Variants in ABCE1 observed in about 807,000 individuals in gnomAD.
ABCE1 encodes ATP-binding cassette sub-family E member 1.
ABCE1 carries 22 observed loss-of-function variants against 83.4 expected under a neutral mutation model. The observed-to-expected ratio is 0.26, with a 90% confidence interval of 0.19 to 0.38. The LOEUF is 0.38. Ranked by LOEUF, ABCE1 falls within the 10% of genes least tolerant of loss-of-function variation. ABCE1 has a pLI of 1.00. For synonymous variants in ABCE1, 204 were observed against 233.7 expected (o/e 0.87, Z 1.16); for missense variants, 330 against 721.9 (o/e 0.46, Z 6.22).
At position 145,127,626 on chromosome 4, in the gene ABCE1, AT is replaced by A. The variant is rs1458293796; in HGVS notation, c.*59del. On this transcript the variant is annotated 3_prime_UTR_variant, in exon 18 of 18. Coordinates refer to ENST00000296577, the MANE Select transcript of ABCE1 (RefSeq NM_002940.3). Reference sequence around the variant, plus strand: ...TTTATTAAAAGGAGTATTTACTAGAATTTTTTGTCATATAAAACTTGAATCA... The same window carrying A: ...TTTATTAAAAGGAGTATTTACTAGAATTTTTGTCATATAAAACTTGAATCA... The A allele has an allele frequency of 6.4e-6, 9 of 1,408,846 alleles. No homozygotes were observed. Among genetic ancestry groups the A allele is most frequent in the Non-Finnish European group, 8.6e-6 (9 of 1,051,282 alleles). The allele number at this position is 1,408,846 out of a possible 1,614,324, so 87.3% of individuals were successfully genotyped here.
rs980251998 is a variant in ABCE1 at position 145,129,451 on chromosome 4, G to A, written c.*1878G>A. Among the ~76,000 whole-genome samples, 23 of 151,506 alleles carry A rather than the reference G, an allele frequency of 1.5e-4. No individual in the cohort carries two copies. Among genetic ancestry groups the A allele is most frequent in the African/African-American group, 5.6e-4 (23 of 41,170 alleles). On this transcript the variant is annotated 3_prime_UTR_variant, in exon 18 of 18. Coordinates refer to ENST00000296577, the MANE Select transcript of ABCE1 (RefSeq NM_002940.3). ...CAAATACTTAAAAAAACAAAAAACTGGAACAGTTTATTATACTACCATTTT... is the reference window on the plus strand; with the variant it reads ...CAAATACTTAAAAAAACAAAAAACTAGAACAGTTTATTATACTACCATTTT...
chr4:145,123,281 G>T lies in ABCE1; in HGVS notation c.1441G>T (p.Asp481Tyr). ...AGCCCTTTGCTTGGGCAAACCTGCT[G>T]ATGTCTATTTAATTGATGAACCATC... ...ALALCLGKPA[D>Y]VYLIDEPSAY... The change falls in exon 15 of 18, where the codon GAT becomes TAT. Residue 481 changes from aspartate (D) to tyrosine (Y), a missense_variant. By Grantham distance (160) the Asp-to-Tyr change is radical (BLOSUM62 -3). Transcript: ENST00000296577. 6.2e-7 allele frequency: 1 copy of T among 1,612,852 alleles called. No homozygotes were observed. Among genetic ancestry groups the T allele is most frequent in the East Asian group, 2.2e-5 (1 of 44,878 alleles).
At chr4:145,099,819 G>A (rs1749079903) in intron 1 of ABCE1, among the ~76,000 whole-genome samples, 1 of 152,192 alleles carries the variant, frequency 6.6e-6, no homozygotes, top group Admixed American at 6.5e-5. Context: ...GACTGTAAAT[G>A]CTTCTAAGTA....
intron 10 of ABCE1, among the ~76,000 whole-genome samples, 196 bp from the exon 11 acceptor site, chr4:145,119,736 C>T (rs1749693092): frequency 6.6e-6 from 1 of 151,870 alleles, no homozygotes; most frequent in African/African-American, 2.4e-5. Context: ...TTGGGGGGGA[C>T]ATGCATATAT....
In ABCE1 at chr4:145,105,779, G is replaced by A. The variant is rs1484844494; in HGVS notation, c.189+89G>A. 3 of 781,870 alleles carry A rather than the reference G, an allele frequency of 3.8e-6. No individual in the cohort carries two copies. In the Admixed American group the frequency reaches 7.7e-5, roughly 20 times the overall value. The allele number at this position is 781,870 out of a possible 1,614,324, so 48.4% of individuals were successfully genotyped here. ...ATACTATGCTATAACTACTTTAAGT[G>A]AGGCAAAGTATAAAGCAAATGAATA... On this transcript the variant is annotated intron_variant, in intron 3 of 17. Transcript: ENST00000296577.
intron 11 of ABCE1, among the ~76,000 whole-genome samples, chr4:145,120,790 A>C (rs1749719771): frequency 6.6e-6 from 1 of 152,134 alleles, no homozygotes; most frequent in South Asian, 2.1e-4. Context: ...GTTGCAATTA[A>C]TTTAAATATT....
At chr4:145,116,957 A>G (rs1283502431) in intron 9 of ABCE1, among the ~76,000 whole-genome samples, 1 of 151,972 alleles carries the variant, frequency 6.6e-6, no homozygotes, top group Non-Finnish European at 1.5e-5. Context: ...GGCTTAATAC[A>G]TAAATTGAGT....
At chr4:145,105,552 G>A (rs962348694) in intron 2 of ABCE1, 53 bp from the exon 3 acceptor site, 73 of 1,346,490 alleles carry the variant, frequency 5.4e-5, no homozygotes, top group South Asian at 1.1e-4. Flanking sequence ...AACAGTGTTC[G>A]GAAAATTAGA....
At chr4:145,107,714 CTTTTTCT>C (rs1354483838) in intron 3 of ABCE1, among the ~76,000 whole-genome samples, 1 of 152,148 alleles carries the variant, frequency 6.6e-6, no homozygotes, top group Admixed American at 6.5e-5. Context: ...AAAGGGCTGA[CTTTTTCT>C]TTTACTCAGG....
chr4:145,110,993 T>C lies in ABCE1; in HGVS notation c.639T>C (p.Asn213=). The C allele has an allele frequency of 2.5e-6, 4 of 1,611,708 alleles. No individual in the cohort carries two copies. Among genetic ancestry groups the C allele is most frequent in the Non-Finnish European group, 1.7e-6 (2 of 1,179,246 alleles). Residue 213 remains asparagine, a synonymous_variant, in exon 8 of 18, where the codon AAT becomes AAC. Transcript: ENST00000296577. Reference sequence around the variant, plus strand: ...ATTTAACCCACCTAAAAGAACGAAATGTTGAAGATCTTTCAGGAGGAGAGT... The same window carrying C: ...ATTTAACCCACCTAAAAGAACGAAACGTTGAAGATCTTTCAGGAGGAGAGT... The part of the protein sequence containing the change: ...QLDLTHLKER[N]VEDLSGGELQ...
chr4:145,123,710 G>A, intron 16 of ABCE1, 110 bp downstream of exon 16: 1 of 1,124,868 alleles, frequency 8.9e-7, no homozygotes, highest in East Asian at 2.7e-5. Context: ...TTCTAGACTT[G>A]ATTCTGTGAC....
chr4:145,109,332 T>C, intron 5 of ABCE1, 83 bp downstream of exon 5: 3 of 688,316 alleles, frequency 4.4e-6, no homozygotes, highest in Non-Finnish European at 6.8e-6. Flanking sequence ...ATTTTTAAAA[T>C]ATTCTTATTT....
At chr4:145,123,417 A>G in intron 15 of ABCE1, 60 bp downstream of exon 15, 3 of 1,589,136 alleles carry the variant, frequency 1.9e-6, no homozygotes, top group Non-Finnish European at 2.6e-6. Flanking sequence ...AGTGTGCTTA[A>G]TATAACAGTC....
intron 11 of ABCE1, among the ~76,000 whole-genome samples, chr4:145,120,461 A>G (rs182278828): frequency 3.9e-5 from 6 of 152,222 alleles, no homozygotes; most frequent in Non-Finnish European, 7.4e-5. Flanking sequence ...ATTGACTAAG[A>G]TGGAAAGGAT....
At chr4:145,124,708 AAGT>A (rs1749830109) in intron 16 of ABCE1, among the ~76,000 whole-genome samples, 1 of 152,148 alleles carries the variant, frequency 6.6e-6, no homozygotes, top group South Asian at 2.1e-4. Flanking sequence ...TGTTTTTCTA[AAGT>A]AGTACTTCTA....
intron 16 of ABCE1, 57 bp downstream of exon 16, chr4:145,123,657 G>A: frequency 6.8e-7 from 1 of 1,478,392 alleles, no homozygotes; most frequent in Non-Finnish European, 9.2e-7. Flanking sequence ...CCAGTAAATA[G>A]TAAAGTCACT....
chr4:145,120,712 A>G (rs1275737150), intron 11 of ABCE1, among the ~76,000 whole-genome samples: 2 of 152,224 alleles, frequency 1.3e-5, no homozygotes, highest in East Asian at 1.9e-4. Flanking sequence ...ACAAAACTAT[A>G]GAAGATAAAT....
rs1048574743 is a variant in ABCE1, at chr4:145,128,289, C to A, written c.*716C>A. On this transcript the variant is annotated 3_prime_UTR_variant, in exon 18 of 18. Transcript: ENST00000296577. Reference sequence around the variant, plus strand: ...ATGAGGTTCTGTATTCAGTCATTCTCTAGGTAATGTCATTTTTGTACACAT... The same window carrying A: ...ATGAGGTTCTGTATTCAGTCATTCTATAGGTAATGTCATTTTTGTACACAT... The A allele has an allele frequency of 1.3e-5, 2 of 152,522 alleles. No homozygotes were observed. The highest frequency in any genetic ancestry group is 4.8e-5 in the African/African-American group (2 of 41,420). The allele number at this position is 152,522 out of a possible 1,614,324, so 9.4% of individuals were successfully genotyped here.
intron 1 of ABCE1, among the ~76,000 whole-genome samples, chr4:145,102,759 AGTT>A (rs1579207957): frequency 6.6e-6 from 1 of 152,170 alleles, no homozygotes; most frequent in Admixed American, 6.5e-5. Context: ...GAGGAATCAG[AGTT>A]GTTGGATTGT....
Sources: gnomAD v4.1 joint callset for allele counts (sites outside exome capture counted in the v4.1 genomes callset) on GRCh38, gnomAD v4.1.1 for gene constraint, MANE v1.5 for transcripts, NCBI Gene and HGNC (gene_info 2026-07-23, HGNC 2026-07-21) for gene names.